Variants in ASTN2 observed in about 807,000 individuals in gnomAD.
The protein encoded by ASTN2 is astrotactin-2.
In ASTN2, 54 loss-of-function variants were observed where a neutral mutation model predicts 139.8. The observed-to-expected ratio is 0.39, with a 90% confidence interval of 0.31 to 0.48. The LOEUF (loss-of-function observed/expected upper bound fraction) is 0.48, where lower values mean the gene tolerates loss of function less well. Among genes scored for constraint, ASTN2 ranks in the 20% least tolerant of loss-of-function variants. ASTN2 has a pLI of 0.95. For synonymous variants in ASTN2, 756 were observed against 719.5 expected (o/e 1.05, Z -0.81); for missense variants, 1,565 against 1,725.1 (o/e 0.91, Z 1.64).
chr9:116,917,940 G>C lies in ASTN2; in HGVS notation c.1890-54207C>G, dbSNP rs988872415. Reference sequence around the variant, plus strand: ...CTAGAATTCCTATGTGTTGTGGGAGGGACCCAGGGGGAGATAATTGAATCA... The same window carrying C: ...CTAGAATTCCTATGTGTTGTGGGAGCGACCCAGGGGGAGATAATTGAATCA... On this transcript the variant is annotated intron_variant, in intron 10 of 22. Transcript: ENST00000313400. 3.3e-5 allele frequency among the ~76,000 whole-genome samples: 5 copies of C among 152,194 alleles called. No homozygotes were observed. The East Asian group carries it at 7.8e-4, about 24-fold the overall frequency.
chr9:116,797,264 A>G (rs1291352987), intron 13 of ASTN2, among the ~76,000 whole-genome samples: 2 of 152,188 alleles, frequency 1.3e-5, no homozygotes, highest in South Asian at 2.1e-4. Context: ...TTATATGTCA[A>G]TTATACTTTA....
At chr9:116,459,925 C>T (rs1378380622) in intron 20 of ASTN2, among the ~76,000 whole-genome samples, 2 of 152,032 alleles carry the variant, frequency 1.3e-5, no homozygotes, top group East Asian at 1.9e-4. Flanking sequence ...GAACTGAAAA[C>T]GTATCTCCAC....
chr9:116,560,109 T>C (rs1206105170), intron 19 of ASTN2, among the ~76,000 whole-genome samples: 1 of 152,114 alleles, frequency 6.6e-6, no homozygotes, highest in Non-Finnish European at 1.5e-5. Context: ...CCCAAGTGGG[T>C]TGCAATTAAC....
At chr9:116,492,459 C>CT (rs1849545369) in intron 19 of ASTN2, among the ~76,000 whole-genome samples, 1 of 152,120 alleles carries the variant, frequency 6.6e-6, no homozygotes, top group Non-Finnish European at 1.5e-5. Flanking sequence ...CCAAGCTTCT[C>CT]TTTTTACAGG....
At chr9:116,967,037 G>A (rs1836030895) in intron 10 of ASTN2, among the ~76,000 whole-genome samples, 1 of 152,114 alleles carries the variant, frequency 6.6e-6, no homozygotes, top group African/African-American at 2.4e-5. Flanking sequence ...TAACATCTTT[G>A]TGCCTCAGTT....
chr9:116,638,716 AAGAG>A (rs1369139144), intron 17 of ASTN2, among the ~76,000 whole-genome samples: 2 of 152,214 alleles, frequency 1.3e-5, no homozygotes, highest in African/African-American at 4.8e-5. Flanking sequence ...AAGGAATAAA[AAGAG>A]AGATAGACAG....
At chr9:116,870,708 C>T (rs1426896713) in intron 10 of ASTN2, among the ~76,000 whole-genome samples, 1 of 152,180 alleles carries the variant, frequency 6.6e-6, no homozygotes, top group Non-Finnish European at 1.5e-5. Flanking sequence ...ACCTGGATTC[C>T]ATTTGGCTGA....
intron 4 of ASTN2, among the ~76,000 whole-genome samples, chr9:117,103,814 G>A (rs1269908571): frequency 6.6e-6 from 1 of 152,156 alleles, no homozygotes; most frequent in Non-Finnish European, 1.5e-5. Flanking sequence ...GAATACAAAT[G>A]GTCCCAGTCA....
At chr9:117,400,498 T>C (rs958357966) in intron 1 of ASTN2, among the ~76,000 whole-genome samples, 2 of 152,060 alleles carry the variant, frequency 1.3e-5, no homozygotes, top group African/African-American at 4.8e-5. Flanking sequence ...GGAGGGACAG[T>C]AGGAACCCTG....
chr9:117,026,669 G>A (rs909559430), intron 6 of ASTN2, among the ~76,000 whole-genome samples: 3 of 151,920 alleles, frequency 2.0e-5, no homozygotes, highest in East Asian at 1.9e-4. Context: ...GTTCCTTGTC[G>A]CCAGCTTAGG....
At chr9:116,728,926 C>A in intron 15 of ASTN2, 66 bp downstream of exon 15, 2 of 1,349,628 alleles carry the variant, frequency 1.5e-6, no homozygotes, top group Non-Finnish European at 1.0e-6. Flanking sequence ...CTGGCACATG[C>A]TAGGTCCTTG....
chr9:116,535,732 A>T (rs1851592757), intron 19 of ASTN2, among the ~76,000 whole-genome samples: 1 of 152,134 alleles, frequency 6.6e-6, no homozygotes, highest in African/African-American at 2.4e-5. Context: ...TCAGCTGTTA[A>T]TCTGATGGGC....
chr9:117,281,998 C>T (rs1327180399), intron 2 of ASTN2, among the ~76,000 whole-genome samples: 1 of 152,174 alleles, frequency 6.6e-6, no homozygotes, highest in South Asian at 2.1e-4. Flanking sequence ...TTCTCTTACT[C>T]GCTGTCTCTC....
chr9:117,248,195 T>A (rs1471199833), intron 2 of ASTN2, among the ~76,000 whole-genome samples: 2 of 152,200 alleles, frequency 1.3e-5, no homozygotes, highest in East Asian at 3.9e-4. Context: ...CTTGTCTACA[T>A]CAAGTGAAGT....
chr9:117,202,420 G>A (rs1831756571), intron 3 of ASTN2, among the ~76,000 whole-genome samples: 1 of 152,158 alleles, frequency 6.6e-6, no homozygotes, highest in Non-Finnish European at 1.5e-5. Context: ...AGTTGATGCA[G>A]TTTCTTCATA....
intron 20 of ASTN2, among the ~76,000 whole-genome samples, chr9:116,483,238 C>G (rs149978825): frequency 6.6e-6 from 1 of 152,184 alleles, no homozygotes; most frequent in Non-Finnish European, 1.5e-5. Flanking sequence ...TGTTTTCATT[C>G]AAAAGCAAAA....
rs141954198 is a variant in ASTN2 at position 117,370,004 on chromosome 9, G to A, written c.442+44493C>T. ...GCACGCTAGTTAACAAGCGATGAGC[G>A]GGAAGCTACAGGTTGGCCCTAAGTC... On this transcript the variant is annotated intron_variant, in intron 1 of 22. Coordinates refer to ENST00000313400, the MANE Select transcript of ASTN2 (RefSeq NM_001365068.1). 3.0e-3 allele frequency among the ~76,000 whole-genome samples: 460 copies of A among 152,144 alleles called. 2 individuals are homozygous for A. The highest frequency in any genetic ancestry group is 6.6e-3 in the Admixed American group (101 of 15,272).
intron 10 of ASTN2, among the ~76,000 whole-genome samples, chr9:116,868,359 C>T (rs1321073847): frequency 1.3e-5 from 2 of 152,134 alleles, no homozygotes; most frequent in South Asian, 2.1e-4. Flanking sequence ...GCTGTGCACT[C>T]GAATCTGCCT....
intron 1 of ASTN2, among the ~76,000 whole-genome samples, chr9:117,373,808 G>A (rs1273113329): frequency 2.0e-5 from 3 of 152,162 alleles, no homozygotes; most frequent in South Asian, 2.1e-4. Context: ...AAGTATCTAC[G>A]ACAGAAAGCA....
Sources: allele counts gnomAD v4.1 joint callset (sites outside exome capture counted in the v4.1 genomes callset), GRCh38; gene constraint gnomAD v4.1.1; transcripts MANE v1.5; gene names NCBI Gene and HGNC (gene_info 2026-07-23, HGNC 2026-07-21).